Variants in ZNF577 observed in about 807,000 individuals in gnomAD.
The protein encoded by ZNF577 is zinc finger protein 577.
Under a neutral mutation model 13.9 loss-of-function variants are expected in ZNF577, and 14 were observed. The ratio of observed to expected loss-of-function variants is 1.00; its 90% CI spans 0.66 to 1.57. The LOEUF is 1.57. Ranked by LOEUF, ZNF577 falls within the 40% of genes most tolerant of loss-of-function variation. ZNF577 has a pLI of 0.00. For synonymous variants in ZNF577, 203 were observed against 202.9 expected (o/e 1.00, Z 0.00); for missense variants, 555 against 579.2 (o/e 0.96, Z 0.43).
chr19:51,843,842 G>A (rs985355826), intron 6 of ZNF577, among the ~76,000 whole-genome samples: 9 of 152,272 alleles, frequency 5.9e-5, no homozygotes, highest in East Asian at 1.9e-4. Flanking sequence ...TTAGTAGTGC[G>A]TTCTAAAGGA....
At chr19:51,846,934 C>T (rs1045985136) in intron 5 of ZNF577, among the ~76,000 whole-genome samples, 2 of 152,158 alleles carry the variant, frequency 1.3e-5, no homozygotes, top group Non-Finnish European at 2.9e-5. Flanking sequence ...ACATTACATG[C>T]CAGCACTTTG....
intron 5 of ZNF577, among the ~76,000 whole-genome samples, chr19:51,847,766 A>G (rs2084360361): frequency 6.6e-6 from 1 of 152,192 alleles, no homozygotes; most frequent in Non-Finnish European, 1.5e-5. Flanking sequence ...GCGCTGCGGG[A>G]TTCCTAAGGG....
At chr19:51,814,748 C>T (rs948253230) in intron 9 of ZNF577, among the ~76,000 whole-genome samples, 6 of 152,150 alleles carry the variant, frequency 3.9e-5, no homozygotes, top group Non-Finnish European at 8.8e-5. Flanking sequence ...CCACCTCGGC[C>T]TCCCAAAGTG....
intron 5 of ZNF577, among the ~76,000 whole-genome samples, chr19:51,847,412 C>T (rs948775616): frequency 6.6e-6 from 1 of 152,132 alleles, no homozygotes; most frequent in African/African-American, 2.4e-5. Flanking sequence ...CACACCTCCC[C>T]AGACACCTAC....
intron 9 of ZNF577, among the ~76,000 whole-genome samples, chr19:51,818,740 TGG>T (rs2084164240): frequency 6.6e-6 from 1 of 152,168 alleles, no homozygotes; most frequent in African/African-American, 2.4e-5. Flanking sequence ...GAGTCCACCA[TGG>T]GTCCAGCACA....
chr19:51,883,565 T>C (rs2084897294), intron 1 of ZNF577, among the ~76,000 whole-genome samples: 1 of 151,820 alleles, frequency 6.6e-6, no homozygotes, highest in African/African-American at 2.4e-5. Context: ...GATGGTGCTG[T>C]GTACTTCCTA....
At chr19:51,835,082 T>G (rs979823705) in intron 9 of ZNF577, among the ~76,000 whole-genome samples, 1 of 151,406 alleles carries the variant, frequency 6.6e-6, no homozygotes, top group African/African-American at 2.4e-5. Context: ...CTTTTAAAAG[T>G]GGAAATAAAT....
intron 5 of ZNF577, among the ~76,000 whole-genome samples, chr19:51,849,970 T>C (rs1469508656): frequency 6.6e-6 from 1 of 152,234 alleles, no homozygotes; most frequent in Non-Finnish European, 1.5e-5. Flanking sequence ...CAAAATGTTA[T>C]GTGCTGTATC....
chr19:51,849,306 T>A lies in ZNF577; in HGVS notation c.284-4375A>T, dbSNP rs2084368864. Among the ~76,000 whole-genome samples the A allele has an allele frequency of 2.0e-5, 3 of 152,306 alleles. No individual in the cohort carries two copies. In the South Asian group the frequency reaches 6.2e-4, roughly 32 times the overall value. The stretch of plus-strand genomic sequence containing the variant: ...GGTTAACCTGTCTGCAGGATGAAGA[T>A]TTGCTCTTCAGAATACATTTGCTAT... On this transcript the variant is annotated intron_variant and NMD_transcript_variant, in intron 5 of 10. Coordinates refer to the ZNF577 transcript ENST00000638827.
At chr19:51,876,300 G>A (rs1448336463) in intron 5 of ZNF577, among the ~76,000 whole-genome samples, 1 of 152,130 alleles carries the variant, frequency 6.6e-6, no homozygotes, top group Non-Finnish European at 1.5e-5. Context: ...GGAAATATTC[G>A]GAGAGCTGTC....
intron 5 of ZNF577, among the ~76,000 whole-genome samples, chr19:51,853,507 T>C (rs961406800): frequency 4.6e-5 from 7 of 152,198 alleles, no homozygotes; most frequent in Non-Finnish European, 1.0e-4. Flanking sequence ...CTGCGTTGTA[T>C]TGGTCTTTTT....
At chr19:51,884,664 G>C (rs1474081315) in intron 1 of ZNF577, among the ~76,000 whole-genome samples, 2 of 151,772 alleles carry the variant, frequency 1.3e-5, no homozygotes, top group Non-Finnish European at 2.9e-5. Flanking sequence ...AAGAATTATA[G>C]AGATAGGTGC....
chr19:51,878,491 C>T lies in ZNF577; in HGVS notation c.85G>A (p.Ala29Thr), dbSNP rs745588223. The T allele has an allele frequency of 6.2e-6, 10 of 1,613,978 alleles. No homozygotes were observed. The Admixed American group carries it at 1.5e-4, about 24-fold the overall frequency. The change falls in exon 4 of 6, where the codon GCT (alanine) becomes ACT (threonine). Residue 29 changes from alanine to threonine, a missense_variant. Physicochemically the swap from Ala to Thr is moderately conservative, Grantham distance 58. Coordinates refer to ENST00000638348, the MANE Select transcript of ZNF577 (RefSeq NM_001370449.1). ...GEGSLSFEDV[A>T]VGFTREEWQF... ...CACTCCTCCCTGGTGAAGCCCACAG[C>T]CACATCTTCGAATGACAATGACCCC...
At chr19:51,837,901 T>A (rs755663379) in intron 9 of ZNF577, among the ~76,000 whole-genome samples, 9 of 152,196 alleles carry the variant, frequency 5.9e-5, no homozygotes, top group Admixed American at 3.9e-4. Context: ...GTACTATGAC[T>A]AAGTTGCATT....
chr19:51,876,821 G>A lies in ZNF577; in HGVS notation c.283+461C>T, dbSNP rs1215837470. On this transcript the variant is annotated intron_variant, in intron 5 of 5. Transcript: ENST00000638348. ...CCGGCACCTGTAATCCCAGCTACTC[G>A]GGAGGCTGAGGCAGGAGAATCACTT... Among the ~76,000 whole-genome samples the A allele has an allele frequency of 5.9e-5, 9 of 151,742 alleles. No individual in the cohort carries two copies. The South Asian group carries it at 1.0e-3, about 18-fold the overall frequency.
Position 51,813,864 on chromosome 19 carries a change from G to C in ZNF577, c.*600-2190C>G, listed in dbSNP as rs149648399. Reference sequence around the variant, plus strand: ...TTTCCTCCTTTATAAAATGAGACAGGCATGTGAATGAAGCCAGTTTTTTTG... The same window carrying C: ...TTTCCTCCTTTATAAAATGAGACAGCCATGTGAATGAAGCCAGTTTTTTTG... On this transcript the variant is annotated intron_variant and NMD_transcript_variant, in intron 9 of 10. Coordinates refer to the ZNF577 transcript ENST00000638827. Among the ~76,000 whole-genome samples, 671 of 152,230 alleles carry C rather than the reference G, an allele frequency of 4.4e-3. 2 individuals carry two copies. Among genetic ancestry groups the C allele is most frequent in the South Asian group, 9.1e-3 (44 of 4,820 alleles).
At chr19:51,876,055 A>C (rs962396266) in intron 5 of ZNF577, among the ~76,000 whole-genome samples, 1 of 152,210 alleles carries the variant, frequency 6.6e-6, no homozygotes, top group South Asian at 2.1e-4. Flanking sequence ...CCAGGAGGAA[A>C]GAGAATCACA....
rs1293556585 is a variant in ZNF577 at position 51,868,956 on chromosome 19, C to T, written c.*3576G>A. On this transcript the variant is annotated 3_prime_UTR_variant, in exon 6 of 6. Coordinates refer to ENST00000638348, the MANE Select transcript of ZNF577 (RefSeq NM_001370449.1). ...TGCAGGCAGTATGCTTGGTAAAAGT[C>T]ATCACCATTCTCCAGTCTCGAGTAC... is the stretch of plus-strand genomic sequence containing the variant. 6.6e-6 allele frequency among the ~76,000 whole-genome samples: 1 copy of T among 152,178 alleles called. No homozygotes were observed. The highest frequency in any genetic ancestry group is 1.5e-5 in the Non-Finnish European group (1 of 68,028).
At chr19:51,879,629 G>A (rs1431553821) in intron 3 of ZNF577, among the ~76,000 whole-genome samples, 1 of 152,136 alleles carries the variant, frequency 6.6e-6, no homozygotes, top group East Asian at 1.9e-4. Context: ...ACACAAGTAT[G>A]TATACATAAA....
Sources: gnomAD v4.1 joint callset for allele counts (sites outside exome capture counted in the v4.1 genomes callset) on GRCh38, gnomAD v4.1.1 for gene constraint, MANE v1.5 for transcripts, NCBI Gene and HGNC (gene_info 2026-07-23, HGNC 2026-07-21) for gene names.